Variants in COL9A2 observed in about 807,000 individuals in gnomAD.
COL9A2 encodes the protein collagen alpha-2(IX) chain.
Under a neutral mutation model 111.6 loss-of-function variants are expected in COL9A2, and 66 were observed. The ratio of observed to expected loss-of-function variants is 0.59; its 90% CI spans 0.48 to 0.73. The LOEUF is 0.73. COL9A2 is among the 30% of genes least tolerant of loss of function. COL9A2 has a pLI of 0.00. For synonymous variants in COL9A2, 353 were observed against 364.1 expected (o/e 0.97, Z 0.35); for missense variants, 881 against 954.1 (o/e 0.92, Z 1.01).
At chr1:40,301,776 G>C in intron 31 of COL9A2, 36 bp downstream of exon 31, 1 of 1,592,002 alleles carries the variant, frequency 6.3e-7, no homozygotes, top group Non-Finnish European at 8.6e-7. Flanking sequence ...CCCAAGCTGA[G>C]GAACACACTG....
In COL9A2 at chr1:40,303,917, C is replaced by T; in HGVS notation, c.1368+11G>A. ...CGCCGCTCCCCGCCCTTCCCTAGGCCGCGCGCTCACCTTCTCGCCTTTCTC... is the reference window on the plus strand; with the variant it reads ...CGCCGCTCCCCGCCCTTCCCTAGGCTGCGCGCTCACCTTCTCGCCTTTCTC... On this transcript the variant is annotated intron_variant, in intron 26 of 31. Transcript: ENST00000372748. This position sits in a 1 kb window ranked among gnomAD's most constrained non-coding sequence, Gnocchi z 4.6. 6.4e-7 allele frequency: 1 copy of T among 1,552,264 alleles called. No homozygotes were observed. The highest frequency in any genetic ancestry group is 8.7e-7 in the Non-Finnish European group (1 of 1,147,622).
chr1:40,301,866 G>A lies in COL9A2; in HGVS notation c.1816C>T (p.Pro606Ser), dbSNP rs868625575. The A allele has an allele frequency of 6.2e-7, 1 of 1,614,086 alleles. No homozygotes were observed. The highest frequency in any genetic ancestry group is 8.5e-7 in the Non-Finnish European group (1 of 1,179,992). ...PKGKRGEKGD[P>S]GEVGRGHPGM... ...GGGTGCCCCCGTCCCACTTCTCCTG[G>A]ATCACCCTTCTCTCCACGTTTTCCT... Residue 606 changes from proline (P) to serine (S), a missense_variant, in exon 31 of 32, where the codon CCA becomes TCA. By Grantham distance (74) the Pro-to-Ser change is moderately conservative (BLOSUM62 -1). Transcript: ENST00000372748.
rs1186217036 is a variant in COL9A2 at position 40,310,317 on chromosome 1, C to G, written c.685G>C (p.Gly229Arg). The change falls in exon 14 of 32, where the codon GGT (glycine) becomes CGT (arginine). Residue 229 changes from glycine (G) to arginine (R), a missense_variant and splice_region_variant. Coordinates refer to ENST00000372748, the MANE Select transcript of COL9A2 (RefSeq NM_001852.4). This position sits in a 1 kb window ranked among gnomAD's most constrained non-coding sequence, Gnocchi z 4.9. ...SGEQGIPGPP[G>R]PQGIRGYPGM... Reference sequence around the variant, plus strand: ...GGGTAGCCCCTGATGCCCTGGGGACCCTGTTGAGAAAGAAAAATGACAGCA... The same window carrying G: ...GGGTAGCCCCTGATGCCCTGGGGACGCTGTTGAGAAAGAAAAATGACAGCA... The G allele has an allele frequency of 6.2e-7, 1 of 1,613,878 alleles. No individual in the cohort carries two copies. Among genetic ancestry groups the G allele is most frequent in the Non-Finnish European group, 8.5e-7 (1 of 1,180,000 alleles).
rs1644018709 is a variant in COL9A2, at chr1:40,305,736, G to A, written c.1086C>T (p.Phe362=). ...GEPGPQGLPG[F]SGPPGKEGEP... is the part of the protein sequence containing the mutation. ...TTACCTCTTTCCCAGGGGGACCAGA[G>A]AATCCAGGAAGGCCCTGCGGGCCCG... is the stretch of plus-strand genomic sequence containing the variant. The change falls in exon 21 of 32, where the codon TTC becomes TTT. Residue 362 remains phenylalanine, a synonymous_variant. Coordinates refer to ENST00000372748, the MANE Select transcript of COL9A2 (RefSeq NM_001852.4). 2 of 1,614,108 alleles carry A rather than the reference G, an allele frequency of 1.2e-6. No homozygotes were observed. The highest frequency in any genetic ancestry group is 3.3e-5 in the Admixed American group (2 of 60,018).
At position 40,304,077 on chromosome 1, in the gene COL9A2, G is replaced by C. The variant is rs777717075; in HGVS notation, c.1310C>G (p.Pro437Arg). Reference protein sequence around the residue: ...GDKGSPGKTGPRGKVGDPGVA... With the variant: ...GDKGSPGKTGRRGKVGDPGVA... ...GCTGGAACTCACCACTTTGCCGCGG[G>C]GCCCGGTCTTCCCTGGGGAGCCCTG... The change falls in exon 25 of 32, where the codon CCC becomes CGC. Residue 437 changes from proline (P) to arginine (R), a missense_variant. Transcript: ENST00000372748. The C allele has an allele frequency of 5.1e-6, 8 of 1,574,570 alleles. No homozygotes were observed. The highest frequency in any genetic ancestry group is 6.9e-6 in the Non-Finnish European group (8 of 1,161,310).
In COL9A2 at chr1:40,312,905, A is replaced by G. The variant is rs897876744; in HGVS notation, c.250-121T>C. ...GGCTCCTTTTTGCCACACCTCATGAAGGCCTAGGAACCTCCACACCTTTCT... is the reference window on the plus strand; with the variant it reads ...GGCTCCTTTTTGCCACACCTCATGAGGGCCTAGGAACCTCCACACCTTTCT... On this transcript the variant is annotated intron_variant, in intron 4 of 31. Transcript: ENST00000372748. This position sits in a 1 kb window ranked among gnomAD's most constrained non-coding sequence, Gnocchi z 6.0. 5.1e-6 allele frequency: 4 copies of G among 788,282 alleles called. No homozygotes were observed. The highest frequency in any genetic ancestry group is 3.5e-5 in the African/African-American group (2 of 57,772). The allele number at this position is 788,282 out of a possible 1,614,324, so 48.8% of individuals were successfully genotyped here.
At position 40,304,333 on chromosome 1, in the gene COL9A2, A is replaced by G. The variant is rs1305533950; in HGVS notation, c.1274T>C (p.Val425Ala). The G allele has an allele frequency of 1.1e-5, 17 of 1,564,416 alleles. No homozygotes were observed. Among genetic ancestry groups the G allele is most frequent in the Non-Finnish European group, 1.5e-5 (17 of 1,153,914 alleles). The change falls in exon 24 of 32, where the codon GTC (valine) becomes GCC (alanine). Residue 425 changes from valine to alanine, a missense_variant. Transcript: ENST00000372748. ...GIPGPQGLPG[V>A]KGDKGSPGKT... ...CCCATCTGGCACCTTGTCTCCTTTG[A>G]CGCCTGGCAAGCCTTGGGGCCCTGG... is the stretch of plus-strand genomic sequence containing the variant.
chr1:40,307,575 A>T lies in COL9A2; in HGVS notation c.955-76T>A. On this transcript the variant is annotated intron_variant, in intron 18 of 31. Transcript: ENST00000372748. The surrounding 1 kb of genome is among the most constrained non-coding windows in gnomAD (Gnocchi z 4.8). ...CCATGGCTTCTACCCAGATGCAGGT[A>T]GGGAAACTGAGATCCAGAGGCAAGA... The T allele has an allele frequency of 6.3e-7, 1 of 1,589,764 alleles. No individual in the cohort carries two copies.
At position 40,311,173 on chromosome 1, in the gene COL9A2, G is replaced by A. The variant is rs552762756; in HGVS notation, c.577-27C>T. The A allele has an allele frequency of 1.0e-4, 167 of 1,614,056 alleles. No individual in the cohort carries two copies. The highest frequency in any genetic ancestry group is 1.4e-4 in the Non-Finnish European group (160 of 1,180,018). ...TGAAGGGAAGGAGAGAGCTCAATAC[G>A]AGGTCCCCTCCTGTCACCTGCACCA... is the stretch of plus-strand genomic sequence containing the variant. On this transcript the variant is annotated intron_variant, in intron 11 of 31. Transcript: ENST00000372748. This position sits in a 1 kb window ranked among gnomAD's most constrained non-coding sequence, Gnocchi z 5.1.
Position 40,311,440 on chromosome 1 carries a change from C to CG in COL9A2, c.519+59_519+60insC. 1 of 1,555,536 alleles carries CG rather than the reference C, an allele frequency of 6.4e-7. No individual in the cohort carries two copies. The highest frequency in any genetic ancestry group is 8.9e-7 in the Non-Finnish European group (1 of 1,129,428). ...GACACCCCCATCTCCGTGGCCCCGC[C>CG]TCCCCATCTCTGTGGCCCCGCCCCC... On this transcript the variant is annotated intron_variant, in intron 10 of 31. Transcript: ENST00000372748. The surrounding 1 kb of genome is among the most constrained non-coding windows in gnomAD (Gnocchi z 5.1).
chr1:40,316,955 A>G lies in COL9A2; in HGVS notation c.75+168T>C, dbSNP rs1293246206. On this transcript the variant is annotated intron_variant, in intron 1 of 31. Coordinates refer to ENST00000372748, the MANE Select transcript of COL9A2 (RefSeq NM_001852.4). This position sits in a 1 kb window ranked among gnomAD's most constrained non-coding sequence, Gnocchi z 5.5. ...AGCCACCTCCATTCACGGTGCCGCG[A>G]TGGGCACCATGTATGCACCCACCGA... Among the ~76,000 whole-genome samples, 2 of 151,922 alleles carry G rather than the reference A, an allele frequency of 1.3e-5. No homozygotes were observed. Among genetic ancestry groups the G allele is most frequent in the Non-Finnish European group, 1.5e-5 (1 of 67,950 alleles).
In COL9A2 at chr1:40,310,133, G is replaced by T; in HGVS notation, c.770C>A (p.Ala257Asp). Residue 257 changes from alanine to aspartate, a missense_variant, in exon 15 of 32, where the codon GCT becomes GAT. Ala to Asp is a moderately radical substitution (Grantham distance 126). Coordinates refer to ENST00000372748, the MANE Select transcript of COL9A2 (RefSeq NM_001852.4). The surrounding 1 kb of genome is among the most constrained non-coding windows in gnomAD (Gnocchi z 4.9). Reference sequence around the variant, plus strand: ...TACCGGTGGCCCAGTGGCACCGATAGCGCCCACCATGCCTTTATATCCATG... The same window carrying T: ...TACCGGTGGCCCAGTGGCACCGATATCGCCCACCATGCCTTTATATCCATG... ...GPHGYKGMVGAIGATGPPGEE... is the reference protein window; with the variant it reads ...GPHGYKGMVGDIGATGPPGEE... 1 of 1,614,034 alleles carries T rather than the reference G, an allele frequency of 6.2e-7. No individual in the cohort carries two copies. Among genetic ancestry groups the T allele is most frequent in the Non-Finnish European group, 8.5e-7 (1 of 1,179,922 alleles).
chr1:40,315,541 C>T (rs1182631996), intron 2 of COL9A2, 49 bp downstream of exon 2: 11 of 1,504,276 alleles, frequency 7.3e-6, no homozygotes, highest in Non-Finnish European at 9.1e-7. Context: ...ACAAAGTTCT[C>T]CTTTGTCTGC....
At position 40,311,475 on chromosome 1, in the gene COL9A2, C is replaced by T; in HGVS notation, c.519+25G>A. 6.4e-7 allele frequency: 1 copy of T among 1,570,272 alleles called. No homozygotes were observed. The highest frequency in any genetic ancestry group is 8.7e-7 in the Non-Finnish European group (1 of 1,144,984). On this transcript the variant is annotated intron_variant, in intron 10 of 31. Transcript: ENST00000372748. The surrounding 1 kb of genome is among the most constrained non-coding windows in gnomAD (Gnocchi z 5.1). The stretch of plus-strand genomic sequence containing the variant: ...CTGTGGCCCCGCCCCCCTGTGTTAG[C>T]CCCGCCCCAGACCTCGTCTCTCACC...
In COL9A2 at chr1:40,316,848, C is replaced by A. The variant is rs1644227046; in HGVS notation, c.75+275G>T. ...CCTGGGCTCCCCGGGCTGCCAGGAC[C>A]GGGCGCCAGCTCCTGCCCCACGCTG... On this transcript the variant is annotated intron_variant, in intron 1 of 31. Transcript: ENST00000372748. This position sits in a 1 kb window ranked among gnomAD's most constrained non-coding sequence, Gnocchi z 5.5. 6.5e-5 allele frequency: 37 copies of A among 564,946 alleles called. No homozygotes were observed. Among genetic ancestry groups the A allele is most frequent in the South Asian group, 5.8e-4 (30 of 52,168 alleles). 35.0% of individuals were successfully genotyped at this position (564,946 alleles called of 1,614,324 possible). A position where few individuals can be genotyped will look rare whatever the true frequency, so the allele number is the denominator to read the frequency against.
In COL9A2 at chr1:40,314,363, C is replaced by T; in HGVS notation, c.175G>A (p.Ala59Thr). Residue 59 changes from alanine to threonine, a missense_variant, in exon 3 of 32, where the codon GCT becomes ACT. Transcript: ENST00000372748. This position sits in a 1 kb window ranked among gnomAD's most constrained non-coding sequence, Gnocchi z 4.1. ...IDGDNGPPGKAGPPGPKGEPG... is the reference protein window; with the variant it reads ...IDGDNGPPGKTGPPGPKGEPG... ...GATAAAGCACTCACCGGAGGGCCAG[C>T]TTTTCCAGGGGGCCCATTGTCACCC... 1 of 1,614,194 alleles carries T rather than the reference C, an allele frequency of 6.2e-7. No homozygotes were observed.
intron 21 of COL9A2, 101 bp downstream of exon 21, chr1:40,305,614 G>T: frequency 9.1e-7 from 1 of 1,104,738 alleles, no homozygotes; most frequent in Non-Finnish European, 1.4e-6. Flanking sequence ...CATTGGGTCA[G>T]GGCAGAGCCA....
Position 40,317,269 on chromosome 1 carries a change from C to A in COL9A2, c.-72G>T. 1 of 1,187,716 alleles carries A rather than the reference C, an allele frequency of 8.4e-7. No homozygotes were observed. Among genetic ancestry groups the A allele is most frequent in the Non-Finnish European group, 1.2e-6 (1 of 823,348 alleles). The allele number at this position is 1,187,716 out of a possible 1,614,324, so 73.6% of individuals were successfully genotyped here. On this transcript the variant is annotated 5_prime_UTR_variant, in exon 1 of 32. It adds an upstream start codon to the 5' untranslated region. Coordinates refer to ENST00000372748, the MANE Select transcript of COL9A2 (RefSeq NM_001852.4). This position sits in a 1 kb window ranked among gnomAD's most constrained non-coding sequence, Gnocchi z 4.3. ...CCGACGGCAGAGTCTCCCGGCGCTC[C>A]TCCAGCGCTGGCTGTTCGCGGGCAG...
rs1184911175 is a variant in COL9A2 at position 40,302,401 on chromosome 1, GCA to G, written c.1792+218_1792+219del. ...AAAGATGCTTATGGGGTACCACTAA[GCA>G]CATTCAAAAACAAACCCCAGAAACC... On this transcript the variant is annotated intron_variant, in intron 30 of 31. Transcript: ENST00000372748. This position sits in a 1 kb window ranked among gnomAD's most constrained non-coding sequence, Gnocchi z 4.5. Among the ~76,000 whole-genome samples the G allele has an allele frequency of 1.3e-5, 2 of 152,160 alleles. No individual in the cohort carries two copies. The highest frequency in any genetic ancestry group is 4.8e-5 in the African/African-American group (2 of 41,436).
Sources: gnomAD v4.1 joint callset for allele counts (sites outside exome capture counted in the v4.1 genomes callset) on GRCh38, gnomAD v4.1.1 for gene constraint, Gnocchi (gnomAD v3.1) non-coding constraint, MANE v1.5 for transcripts, NCBI Gene and HGNC (gene_info 2026-07-23, HGNC 2026-07-21) for gene names.